NEK1: variants seen among roughly 807,000 people sequenced by gnomAD.
NEK1 encodes NIMA related kinase 1.
In NEK1, 137 loss-of-function variants were observed where a neutral mutation model predicts 182.1. The ratio of observed to expected loss-of-function variants is 0.75; its 90% CI spans 0.65 to 0.87. The LOEUF is 0.87. NEK1 is among the 40% of genes least tolerant of loss of function. The pLI is 0.00. For synonymous variants in NEK1, 513 were observed against 492.2 expected, an observed-to-expected ratio of 1.04 and a Z score of -0.56; for missense variants, 1,391 against 1,494.4, an observed-to-expected ratio of 0.93 and a Z score of 1.14.
intron 33 of NEK1, 23 bp downstream of exon 33, chr4:169,401,629 G>C (rs965582211): frequency 6.3e-7 from 1 of 1,596,708 alleles, no homozygotes; most frequent in African/African-American, 1.3e-5. Context: ...AAAAGAAAAA[G>C]GTCCAAAACT....
At chr4:169,395,186 C>T (rs1338289032) in intron 35 of NEK1, among the ~76,000 whole-genome samples, 1 of 152,050 alleles carries the variant, frequency 6.6e-6, no homozygotes, top group Non-Finnish European at 1.5e-5. Context: ...CACTATCTTC[C>T]ACATTCTAGC....
intron 29 of NEK1, among the ~76,000 whole-genome samples, chr4:169,427,485 CTTTTA>C (rs199767392): frequency 2.7e-4 from 40 of 149,722 alleles, no homozygotes; most frequent in African/African-American, 6.1e-4. Flanking sequence ...CCATTTTCTG[CTTTTA>C]TTTTATTTTA....
At chr4:169,544,993 T>C (rs543328917) in intron 18 of NEK1, among the ~76,000 whole-genome samples, 37 of 152,092 alleles carry the variant, frequency 2.4e-4, no homozygotes, top group Admixed American at 5.9e-4. Flanking sequence ...AGTTCTGCTC[T>C]GATCTTAGTT....
intron 18 of NEK1, among the ~76,000 whole-genome samples, chr4:169,540,072 T>C (rs559462328): frequency 6.6e-6 from 1 of 152,290 alleles, no homozygotes; most frequent in South Asian, 2.1e-4. Flanking sequence ...AAATTTTGCT[T>C]CATTGAACAG....
intron 9 of NEK1, among the ~76,000 whole-genome samples, chr4:169,587,319 CATT>C (rs1357768660): frequency 6.6e-6 from 1 of 151,664 alleles, no homozygotes; most frequent in Non-Finnish European, 1.5e-5. Flanking sequence ...TTATTTCTGT[CATT>C]AGAAATAATT....
intron 27 of NEK1, among the ~76,000 whole-genome samples, chr4:169,456,426 G>A (rs796874078): frequency 7.8e-4 from 119 of 152,130 alleles, no homozygotes; most frequent in African/African-American, 2.7e-3. Context: ...ATCAAAAGTT[G>A]GCTTTTTGAA....
intron 19 of NEK1, among the ~76,000 whole-genome samples, chr4:169,525,183 C>A (rs1385007150): frequency 6.6e-6 from 1 of 152,114 alleles, no homozygotes; most frequent in Non-Finnish European, 1.5e-5. Flanking sequence ...GGCTGGAGTG[C>A]AGTGGTGCGA....
intron 31 of NEK1, among the ~76,000 whole-genome samples, chr4:169,424,337 CTA>C (rs954581769): frequency 1.3e-5 from 2 of 151,916 alleles, no homozygotes; most frequent in Non-Finnish European, 2.9e-5. Flanking sequence ...GTAAAAGACT[CTA>C]TAAAAAAAAT....
intron 32 of NEK1, among the ~76,000 whole-genome samples, chr4:169,402,944 C>T (rs1731938892): frequency 6.6e-6 from 1 of 152,064 alleles, no homozygotes; most frequent in Non-Finnish European, 1.5e-5. Flanking sequence ...AGATTATGTA[C>T]CTAAGCCGGG....
chr4:169,562,623 T>C (rs1330358892), intron 12 of NEK1, among the ~76,000 whole-genome samples: 1 of 152,142 alleles, frequency 6.6e-6, no homozygotes. Context: ...CGGTAACCAC[T>C]GTTAATATTT....
chr4:169,447,428 A>T (rs144165214), intron 27 of NEK1, among the ~76,000 whole-genome samples: 1 of 152,210 alleles, frequency 6.6e-6, no homozygotes, highest in South Asian at 2.1e-4. Flanking sequence ...CTTTAATATG[A>T]AAGAATAGGA....
At chr4:169,595,202 T>C (rs10016485) in intron 5 of NEK1, among the ~76,000 whole-genome samples, 26,215 of 152,130 alleles carry the variant, frequency 0.17, 2,863 homozygotes, top group South Asian at 0.31. Context: ...ACAAACATCA[T>C]GAATGCTAAC....
chr4:169,551,723 T>TA (rs2149888579), intron 18 of NEK1, among the ~76,000 whole-genome samples: 1 of 152,264 alleles, frequency 6.6e-6, no homozygotes, highest in East Asian at 1.9e-4. Context: ...TCTTTCCTGT[T>TA]TCCTAACACT....
intron 26 of NEK1, among the ~76,000 whole-genome samples, chr4:169,473,143 G>T (rs979003504): frequency 1.3e-5 from 2 of 151,116 alleles, no homozygotes; most frequent in African/African-American, 4.9e-5. Context: ...GCACGTGCCT[G>T]TAGTTCCAGC....
At position 169,563,629 on chromosome 4, in the gene NEK1, C is replaced by T. The variant is rs146669870; in HGVS notation, c.1021-1433G>A. ...AGCTAGAACCTCTGGCATAATTTAA[C>T]GATGGCAATGACAGCAAATCCCTCT... is the stretch of plus-strand genomic sequence containing the variant. On this transcript the variant is annotated intron_variant, in intron 12 of 35. Coordinates refer to ENST00000507142, the MANE Select transcript of NEK1 (RefSeq NM_001199397.3). Among the ~76,000 whole-genome samples the T allele has an allele frequency of 2.5e-3, 380 of 152,288 alleles. 1 individual carries two copies. The highest frequency in any genetic ancestry group is 3.3e-3 in the Non-Finnish European group (222 of 68,008).
chr4:169,392,895 C>A lies in NEK1; in HGVS notation c.*1615G>T. ...ATAATAGACCTTACTGAAAAATAGCCCTTTTCCTCACTGGCATAATCTTTC... is the reference window on the plus strand; with the variant it reads ...ATAATAGACCTTACTGAAAAATAGCACTTTTCCTCACTGGCATAATCTTTC... On this transcript the variant is annotated 3_prime_UTR_variant, in exon 36 of 36. Coordinates refer to ENST00000507142, the MANE Select transcript of NEK1 (RefSeq NM_001199397.3). 6.6e-6 allele frequency: 1 copy of A among 152,134 alleles called. No individual in the cohort carries two copies. The highest frequency in any genetic ancestry group is 1.9e-4 in the East Asian group (1 of 5,198). 9.4% of individuals were successfully genotyped at this position (152,134 alleles called of 1,614,324 possible).
At chr4:169,548,819 G>A (rs957113734) in intron 18 of NEK1, among the ~76,000 whole-genome samples, 5 of 152,222 alleles carry the variant, frequency 3.3e-5, no homozygotes, top group South Asian at 2.1e-4. Flanking sequence ...ACCCCTCCCC[G>A]CTCCAAGCTA....
At chr4:169,395,049 G>A (rs1730458745) in intron 35 of NEK1, among the ~76,000 whole-genome samples, 1 of 152,086 alleles carries the variant, frequency 6.6e-6, no homozygotes, top group Non-Finnish European at 1.5e-5. Flanking sequence ...AGAGTATTCT[G>A]TTTAATGGAT....
At chr4:169,483,751 A>G (rs1047804159) in intron 23 of NEK1, among the ~76,000 whole-genome samples, 4 of 151,884 alleles carry the variant, frequency 2.6e-5, no homozygotes, top group Non-Finnish European at 5.9e-5. Context: ...CTGTAGTCCC[A>G]AGTACTCGGG....
Sources: gnomAD v4.1 joint callset for allele counts (sites outside exome capture counted in the v4.1 genomes callset) on GRCh38, gnomAD v4.1.1 for gene constraint, MANE v1.5 for transcripts, NCBI Gene and HGNC (gene_info 2026-07-23, HGNC 2026-07-21) for gene names.